KIAA0825: variants seen among roughly 807,000 people sequenced by gnomAD.
KIAA0825 encodes the protein uncharacterized protein KIAA0825.
Under a neutral mutation model 147.6 loss-of-function variants are expected in KIAA0825, and 119 were observed. The ratio of observed to expected loss-of-function variants is 0.81; its 90% CI spans 0.69 to 0.94. KIAA0825 has a LOEUF of 0.94. Ranked by LOEUF, KIAA0825 falls within the 40% of genes least tolerant of loss-of-function variation. KIAA0825 has a pLI of 0.00. For missense variants in KIAA0825, 1,381 were observed against 1,472.7 expected, an observed-to-expected ratio of 0.94 and a Z score of 1.02; for synonymous variants, 470 against 518.1, an observed-to-expected ratio of 0.91 and a Z score of 1.26.
Position 94,417,307 on chromosome 5 carries a change from G to T in KIAA0825, c.2556C>A (p.Ile852=). The change falls in exon 15 of 21, where the codon ATC becomes ATA. Residue 852 remains isoleucine, a synonymous_variant. Coordinates refer to ENST00000682413, the MANE Select transcript of KIAA0825 (RefSeq NM_001145678.3). ...LNQGPSLMEA[I]FKILYHCSFS... ...AACTGCAATGGTACAATATTTTAAA[G>T]ATGGCTTCCATCAAGCTGGGTCCTT... The T allele has an allele frequency of 6.4e-7, 1 of 1,550,562 alleles. No individual in the cohort carries two copies. Among genetic ancestry groups the T allele is most frequent in the Non-Finnish European group, 8.7e-7 (1 of 1,146,162 alleles).
At chr5:94,424,529 T>G (rs116161286) in intron 14 of KIAA0825, among the ~76,000 whole-genome samples, 7,012 of 152,108 alleles carry the variant, frequency 0.046, 197 homozygotes, top group East Asian at 0.11. Context: ...AGTGTTAAGA[T>G]GGAAGTTTAT....
intron 20 of KIAA0825, among the ~76,000 whole-genome samples, chr5:94,346,848 G>A (rs398559): frequency 0.35 from 53,174 of 151,942 alleles, 9,535 homozygotes; most frequent in Middle Eastern, 0.38. Context: ...TCCAGCGTGC[G>A]TACTCCACAG....
At position 94,237,575 on chromosome 5, in the gene KIAA0825, G is replaced by A. The variant is rs143907644; in HGVS notation, c.3711-83451C>T. Among the ~76,000 whole-genome samples, 483 of 152,162 alleles carry A rather than the reference G, an allele frequency of 3.2e-3. 1 individual carries two copies. The highest frequency in any genetic ancestry group is 4.4e-3 in the Non-Finnish European group (297 of 68,006). Reference sequence around the variant, plus strand: ...ACCCCTGGCATTTTCTCTCTTACTCGCTTGGTTTCTAAGTATATAATCTTG... The same window carrying A: ...ACCCCTGGCATTTTCTCTCTTACTCACTTGGTTTCTAAGTATATAATCTTG... On this transcript the variant is annotated intron_variant, in intron 20 of 20. Coordinates refer to ENST00000682413, the MANE Select transcript of KIAA0825 (RefSeq NM_001145678.3).
intron 20 of KIAA0825, among the ~76,000 whole-genome samples, chr5:94,340,680 GATACATATGTTAC>G (rs1346298583): frequency 1.0e-5 from 1 of 99,052 alleles, no homozygotes; most frequent in Non-Finnish European, 2.6e-5. Flanking sequence ...AAAAGCTCAT[GATACATATGTTAC>G]ATGATACATA....
intron 5 of KIAA0825, among the ~76,000 whole-genome samples, chr5:94,500,027 AAG>A (rs1325362153): frequency 2.6e-5 from 4 of 152,184 alleles, no homozygotes; most frequent in Non-Finnish European, 4.4e-5. Context: ...GAAGGGAATG[AAG>A]AGAGTAAGAG....
At chr5:94,180,173 A>G (rs1769474658) in intron 20 of KIAA0825, among the ~76,000 whole-genome samples, 1 of 152,084 alleles carries the variant, frequency 6.6e-6, no homozygotes. Context: ...AATTAGACAA[A>G]TGGACATTAT....
At chr5:94,170,215 C>T (rs146154564) in intron 20 of KIAA0825, among the ~76,000 whole-genome samples, 2,056 of 152,182 alleles carry the variant, frequency 0.014, 23 homozygotes, top group Non-Finnish European at 0.018. Context: ...AGGAGAATGG[C>T]GTGAACCCAG....
intron 2 of KIAA0825, among the ~76,000 whole-genome samples, chr5:94,551,182 A>G (rs148169817): frequency 1.3e-5 from 2 of 151,304 alleles, no homozygotes; most frequent in East Asian, 3.9e-4. Context: ...ATACAGGAAG[A>G]AAAAAAAATG....
chr5:94,570,393 C>T (rs1334532332), intron 2 of KIAA0825: 5 of 153,822 alleles, frequency 3.3e-5, no homozygotes, highest in Non-Finnish European at 7.2e-5. Flanking sequence ...CGATCCATTC[C>T]CAATAAACTA....
intron 2 of KIAA0825, among the ~76,000 whole-genome samples, chr5:94,562,564 T>C (rs1313672736): frequency 6.6e-6 from 1 of 152,194 alleles, no homozygotes; most frequent in South Asian, 2.1e-4. Flanking sequence ...CACAGAAGCT[T>C]TCAAGGAGCA....
At chr5:94,160,693 A>G in intron 20 of KIAA0825, among the ~76,000 whole-genome samples, 1 of 149,968 alleles carries the variant, frequency 6.7e-6, no homozygotes. Flanking sequence ...ACATGTATGT[A>G]TATTTAATAT....
chr5:94,540,201 GA>G (rs1271917776), intron 2 of KIAA0825, among the ~76,000 whole-genome samples: 1 of 152,176 alleles, frequency 6.6e-6, no homozygotes, highest in Non-Finnish European at 1.5e-5. Flanking sequence ...TGATTAATGG[GA>G]AAAAGGACTT....
At chr5:94,403,928 T>C (rs1751710297) in intron 15 of KIAA0825, 135 bp from the exon 16 acceptor site, 1 of 658,346 alleles carries the variant, frequency 1.5e-6, no homozygotes, top group Non-Finnish European at 2.5e-6. Flanking sequence ...CAAGAAATCA[T>C]ATGATTGATA....
intron 12 of KIAA0825, among the ~76,000 whole-genome samples, chr5:94,460,211 T>G (rs536915686): frequency 6.6e-6 from 1 of 152,254 alleles, no homozygotes; most frequent in African/African-American, 2.4e-5. Flanking sequence ...GAAAGAAATA[T>G]AAGTGATAAG....
chr5:94,560,992 T>C (rs1237493413), intron 2 of KIAA0825, among the ~76,000 whole-genome samples: 3 of 152,196 alleles, frequency 2.0e-5, no homozygotes. Flanking sequence ...TTTATGAGGT[T>C]ACTCTGGAGG....
chr5:94,273,764 GATGTA>G (rs376306372), intron 20 of KIAA0825, among the ~76,000 whole-genome samples: 1 of 150,758 alleles, frequency 6.6e-6, no homozygotes, highest in Non-Finnish European at 1.5e-5. Flanking sequence ...TGTGAGGACT[GATGTA>G]ATGGTTAGGA....
At chr5:94,252,110 T>C (rs1455611023) in intron 20 of KIAA0825, among the ~76,000 whole-genome samples, 2 of 152,068 alleles carry the variant, frequency 1.3e-5, no homozygotes, top group African/African-American at 4.8e-5. Context: ...TCTTATGCTA[T>C]TAAAATCATT....
Position 94,523,933 on chromosome 5 carries a change from T to C in KIAA0825, c.297A>G (p.Thr99=). Residue 99 remains threonine (T), a synonymous_variant, in exon 4 of 21, where the codon ACA becomes ACG. Coordinates refer to ENST00000682413, the MANE Select transcript of KIAA0825 (RefSeq NM_001145678.3). ...ATAAAATAAAAATTCATTTTACCAGTGTTTTGAAAAATTTTATCAAGTCTC... is the reference window on the plus strand; with the variant it reads ...ATAAAATAAAAATTCATTTTACCAGCGTTTTGAAAAATTTTATCAAGTCTC... ...SHGDLIKFFK[T]LQDLLKNEQN... 2 of 1,588,140 alleles carry C rather than the reference T, an allele frequency of 1.3e-6. No homozygotes were observed. The highest frequency in any genetic ancestry group is 1.7e-6 in the Non-Finnish European group (2 of 1,162,870).
chr5:94,572,215 A>G (rs1484824874), intron 2 of KIAA0825, among the ~76,000 whole-genome samples: 5 of 152,222 alleles, frequency 3.3e-5, no homozygotes, highest in Non-Finnish European at 7.3e-5. Flanking sequence ...GGGCACATCA[A>G]CTGGCCAGCA....
Sources: allele counts gnomAD v4.1 joint callset (sites outside exome capture counted in the v4.1 genomes callset), GRCh38; gene constraint gnomAD v4.1.1; transcripts MANE v1.5; gene names NCBI Gene and HGNC (gene_info 2026-07-23, HGNC 2026-07-21).